COL15A1: variants seen among roughly 807,000 people sequenced by gnomAD.
The protein encoded by COL15A1 is collagen alpha-1(XV) chain.
A neutral mutation model predicts 165.9 loss-of-function variants in COL15A1; 111 were observed. That is an observed-to-expected ratio of 0.67 (90% confidence interval 0.57 to 0.78). The LOEUF (loss-of-function observed/expected upper bound fraction) is 0.78. COL15A1 is among the 30% of genes least tolerant of loss of function. COL15A1 has a pLI of 0.00. For synonymous variants in COL15A1, 659 were observed against 674.8 expected (o/e 0.98, Z 0.36); for missense variants, 1,745 against 1,789.7 (o/e 0.98, Z 0.45).
chr9:99,025,381 C>T lies in COL15A1; in HGVS notation c.1980+382C>T, dbSNP rs1203421788. ...TTTCAACACTTTATTATAAAATAGG[C>T]TTTGTGTTTGATGACTTTGCCCAAC... On this transcript the variant is annotated intron_variant, in intron 15 of 41. Coordinates refer to ENST00000375001, the MANE Select transcript of COL15A1 (RefSeq NM_001855.5). Among the ~76,000 whole-genome samples, 6 of 152,236 alleles carry T rather than the reference C, an allele frequency of 3.9e-5. No homozygotes were observed. The East Asian group carries it at 7.7e-4, about 20-fold the overall frequency.
rs1410225279 is a variant in COL15A1, at chr9:99,034,586, T to C, written c.2079+2T>C. On this transcript the variant is annotated splice_donor_variant, in intron 17 of 41. Coordinates refer to ENST00000375001, the MANE Select transcript of COL15A1 (RefSeq NM_001855.5). LOFTEE classifies it high-confidence loss of function. ...CCTAATGGCTCAGTTGGTGAAAAGG[T>C]AAAAAAAAAAAAAAAAAAAAAAAAA... The C allele has an allele frequency of 7.5e-6, 8 of 1,073,434 alleles. No homozygotes were observed. The highest frequency in any genetic ancestry group is 9.3e-6 in the Non-Finnish European group (8 of 864,192). The allele number at this position is 1,073,434 out of a possible 1,614,324, so 66.5% of individuals were successfully genotyped here.
At chr9:99,011,638 T>A (rs1369073172) in intron 9 of COL15A1, among the ~76,000 whole-genome samples, 1 of 152,106 alleles carries the variant, frequency 6.6e-6, no homozygotes, top group Admixed American at 6.5e-5. Context: ...AACACACTTT[T>A]TTTTAGAAAG....
chr9:98,955,078 G>T (rs1837753939), intron 2 of COL15A1, among the ~76,000 whole-genome samples: 1 of 152,230 alleles, frequency 6.6e-6, no homozygotes, highest in Non-Finnish European at 1.5e-5. Context: ...TTCCAAGGGG[G>T]CCTGGTGCCC....
chr9:98,952,257 T>A (rs1030448379), intron 2 of COL15A1, among the ~76,000 whole-genome samples: 2 of 152,310 alleles, frequency 1.3e-5, no homozygotes, highest in Admixed American at 6.5e-5. Flanking sequence ...CTTTGTCAGC[T>A]GTAGGGTGAC....
In COL15A1 at chr9:99,055,104, C is replaced by A; in HGVS notation, c.3034C>A (p.Pro1012Thr). 1.2e-6 allele frequency: 2 copies of A among 1,611,046 alleles called. No homozygotes were observed. Among genetic ancestry groups the A allele is most frequent in the South Asian group, 1.1e-5 (1 of 90,996 alleles). ...GDQGAQGPPG[P>T]PLDLAYLRHF... ...TTTACGAAGCATTTCTTTTTCAGGT[C>A]CTCCACTTGATCTAGCTTACCTGAG... The change falls in exon 33 of 42, where the codon CCT becomes ACT. Residue 1012 changes from proline to threonine, a missense_variant and splice_region_variant. By Grantham distance (38) the Pro-to-Thr change is conservative (BLOSUM62 -1). Transcript: ENST00000375001.
At chr9:98,963,638 G>C (rs1374616112) in intron 2 of COL15A1, among the ~76,000 whole-genome samples, 1 of 152,188 alleles carries the variant, frequency 6.6e-6, no homozygotes, top group African/African-American at 2.4e-5. Flanking sequence ...TTAAATCCTG[G>C]TTCAACACTT....
At chr9:99,036,534 C>T in intron 21 of COL15A1, 138 bp downstream of exon 21, 1 of 736,602 alleles carries the variant, frequency 1.4e-6, no homozygotes, top group Non-Finnish European at 2.2e-6. Context: ...CTTCCACCTG[C>T]CAGCACCTAC....
intron 31 of COL15A1, among the ~76,000 whole-genome samples, chr9:99,053,047 G>C (rs1839617293): frequency 6.6e-6 from 1 of 152,210 alleles, no homozygotes; most frequent in Admixed American, 6.5e-5. Context: ...TGCTGGCTCA[G>C]AGGGTTTGAG....
chr9:99,041,132 G>A (rs1355308265), intron 23 of COL15A1: 1 of 153,290 alleles, frequency 6.5e-6, no homozygotes, highest in Non-Finnish European at 1.5e-5. Context: ...AGTAAGGAGG[G>A]GGCCAAATAG....
intron 2 of COL15A1, among the ~76,000 whole-genome samples, chr9:98,957,485 T>C (rs1588490229): frequency 6.6e-6 from 1 of 152,192 alleles, no homozygotes; most frequent in African/African-American, 2.4e-5. Context: ...CATTGGAAGA[T>C]AAATACAGCC....
intron 38 of COL15A1, among the ~76,000 whole-genome samples, chr9:99,062,759 A>G (rs964206325): frequency 4.6e-5 from 7 of 152,168 alleles, no homozygotes; most frequent in Admixed American, 4.6e-4. Flanking sequence ...CTGAAGAGGT[A>G]GCTTTCTCTA....
At chr9:98,985,500 C>A in intron 2 of COL15A1, 65 bp from the exon 3 acceptor site, 1 of 1,463,126 alleles carries the variant, frequency 6.8e-7, no homozygotes, top group Non-Finnish European at 9.2e-7. Context: ...GACTGCGTTT[C>A]TTCCTCATTT....
chr9:98,974,326 C>A (rs965266984), intron 2 of COL15A1, among the ~76,000 whole-genome samples: 14 of 152,164 alleles, frequency 9.2e-5, no homozygotes, highest in African/African-American at 3.4e-4. Context: ...TTGCTGAACT[C>A]CTGTCCCTCC....
chr9:98,995,035 C>T (rs984747492), intron 5 of COL15A1, among the ~76,000 whole-genome samples: 2 of 152,162 alleles, frequency 1.3e-5, no homozygotes, highest in African/African-American at 4.8e-5. Context: ...TCCCAAAGTC[C>T]AAATGCCTTA....
intron 2 of COL15A1, among the ~76,000 whole-genome samples, chr9:98,956,254 C>T (rs536326997): frequency 6.6e-6 from 1 of 152,074 alleles, no homozygotes; most frequent in Non-Finnish European, 1.5e-5. Flanking sequence ...GGCAGTGAGC[C>T]GAGATCATGC....
chr9:99,001,036 C>T (rs1838643883), intron 7 of COL15A1, 85 bp downstream of exon 7: 3 of 734,524 alleles, frequency 4.1e-6, no homozygotes, highest in Non-Finnish European at 2.5e-6. Context: ...TACTGAGCAC[C>T]AGAGAGAACC....
At chr9:98,964,651 C>T (rs189942525) in intron 2 of COL15A1, among the ~76,000 whole-genome samples, 3 of 152,300 alleles carry the variant, frequency 2.0e-5, no homozygotes, top group Non-Finnish European at 2.9e-5. Context: ...ACATTGGGTA[C>T]CTAGTGTGTA....
chr9:99,056,112 C>G, intron 34 of COL15A1, 148 bp from the exon 35 acceptor site: 1 of 856,290 alleles, frequency 1.2e-6, no homozygotes, highest in South Asian at 1.5e-5. Context: ...AGGCCTTACC[C>G]CACCTTGAAT....
intron 2 of COL15A1, 53 bp downstream of exon 2, chr9:98,944,303 A>C (rs1837538408): frequency 6.4e-7 from 1 of 1,571,586 alleles, no homozygotes; most frequent in South Asian, 1.1e-5. Flanking sequence ...CCGTGGGGGA[A>C]GTCGGTTTTG....
Sources: allele counts gnomAD v4.1 joint callset (sites outside exome capture counted in the v4.1 genomes callset), GRCh38; gene constraint gnomAD v4.1.1; transcripts MANE v1.5; gene names NCBI Gene and HGNC (gene_info 2026-07-23, HGNC 2026-07-21).